Variants in FANK1 observed in about 807,000 individuals in gnomAD.
FANK1 encodes fibronectin type 3 and ankyrin repeat domains protein 1.
A neutral mutation model predicts 45.3 loss-of-function variants in FANK1; 44 were observed. The ratio of observed to expected loss-of-function variants is 0.97; its 90% CI spans 0.76 to 1.25. FANK1 has a LOEUF of 1.25. Among genes scored for constraint, FANK1 ranks in the 50% most tolerant of loss-of-function variants. FANK1 has a pLI of 0.00. For missense variants in FANK1, 391 were observed against 424.4 expected, an observed-to-expected ratio of 0.92 and a Z score of 0.69; for synonymous variants, 149 against 152.5, an observed-to-expected ratio of 0.98 and a Z score of 0.17.
intron 2 of FANK1, chr10:125,980,543 CTTCT>C (rs932708487): frequency 3.9e-6 from 2 of 506,686 alleles, no homozygotes; most frequent in African/African-American, 3.9e-5. Context: ...CCTTTGAGAG[CTTCT>C]TTGACTTCTG....
intron 1 of FANK1, among the ~76,000 whole-genome samples, chr10:125,954,284 G>C (rs1949436141): frequency 6.6e-6 from 1 of 152,272 alleles, no homozygotes; most frequent in African/African-American, 2.4e-5. Context: ...AGACAGGGAG[G>C]CATAAAGGAT....
intron 3 of FANK1, chr10:125,994,534 T>A (rs1341117352): frequency 2.1e-5 from 21 of 985,306 alleles, no homozygotes; most frequent in Non-Finnish European, 2.5e-5. Context: ...TGCTGTACTG[T>A]CACCCCCAAC....
chr10:126,008,405 A>G lies in FANK1; in HGVS notation c.706-2A>G. ...AACACAGCTGTTTCTCTGGCCCAACAGGTAGACGTCGTGGACACTGGTTCA... is the reference window on the plus strand; with the variant it reads ...AACACAGCTGTTTCTCTGGCCCAACGGGTAGACGTCGTGGACACTGGTTCA... On this transcript the variant is annotated splice_acceptor_variant, in intron 7 of 10. Transcript: ENST00000368693. LOFTEE classifies it high-confidence loss of function. 6.3e-7 allele frequency: 1 copy of G among 1,589,514 alleles called. No homozygotes were observed.
At chr10:125,928,753 G>A (rs955730205) in intron 1 of FANK1, among the ~76,000 whole-genome samples, 2 of 152,128 alleles carry the variant, frequency 1.3e-5, no homozygotes, top group Admixed American at 6.5e-5. Flanking sequence ...TCATTTAGTT[G>A]TTCTCTTTGG....
chr10:126,003,996 A>G (rs1952977811), intron 6 of FANK1, among the ~76,000 whole-genome samples: 2 of 152,014 alleles, frequency 1.3e-5, no homozygotes, highest in Admixed American at 6.6e-5. Flanking sequence ...CTTTTACCCA[A>G]TCATTTCAGT....
At chr10:126,004,840 T>G (rs765494367) in intron 6 of FANK1, 44 bp from the exon 7 acceptor site, 1 of 1,604,382 alleles carries the variant, frequency 6.2e-7, no homozygotes, top group South Asian at 1.1e-5. Context: ...CTGAGTTTGG[T>G]GACTGTGCTT....
intron 1 of FANK1, among the ~76,000 whole-genome samples, chr10:125,964,131 C>T (rs1259829693): frequency 6.6e-6 from 1 of 150,632 alleles, no homozygotes. Flanking sequence ...TCCTCTTCCT[C>T]TGTCTGTGAT....
chr10:125,943,225 G>C (rs1419453088), intron 1 of FANK1, among the ~76,000 whole-genome samples: 1 of 152,014 alleles, frequency 6.6e-6, no homozygotes, highest in East Asian at 1.9e-4. Flanking sequence ...CTCTTCATAT[G>C]TCTAAATCAG....
intron 1 of FANK1, among the ~76,000 whole-genome samples, chr10:125,937,565 A>C (rs1284210023): frequency 1.3e-5 from 2 of 152,200 alleles, no homozygotes; most frequent in Non-Finnish European, 2.9e-5. Context: ...AAGGAGTCTG[A>C]TGGAATAAAC....
chr10:125,997,153 AT>A (rs1284097505), intron 5 of FANK1, among the ~76,000 whole-genome samples: 6 of 152,192 alleles, frequency 3.9e-5, no homozygotes, highest in African/African-American at 1.4e-4. Context: ...ACAGCGAATT[AT>A]TTTGGTAGCC....
At chr10:125,898,383 A>G (rs1380051688) in intron 1 of FANK1, among the ~76,000 whole-genome samples, 3 of 152,004 alleles carry the variant, frequency 2.0e-5, no homozygotes, top group Non-Finnish European at 4.4e-5. Flanking sequence ...CAGGAAAACT[A>G]AGCAGAGGCT....
chr10:125,944,817 A>G (rs1023231760), intron 1 of FANK1, among the ~76,000 whole-genome samples: 1 of 152,222 alleles, frequency 6.6e-6, no homozygotes, highest in African/African-American at 2.4e-5. Context: ...TAACATCTAT[A>G]GAAACAATGC....
intron 1 of FANK1, among the ~76,000 whole-genome samples, chr10:125,921,384 C>G (rs567688820): frequency 0.021 from 3,259 of 152,050 alleles, 39 homozygotes; most frequent in South Asian, 0.032. Context: ...AAATAGTAAT[C>G]CATTGTATAA....
chr10:125,995,636 T>A, intron 4 of FANK1, 138 bp downstream of exon 4: 1 of 707,906 alleles, frequency 1.4e-6, no homozygotes, highest in Non-Finnish European at 2.5e-6. Context: ...AGGTGACTGG[T>A]GTGAGTTAAT....
At chr10:125,907,995 C>CT (rs56856062) in intron 1 of FANK1, among the ~76,000 whole-genome samples, 50,197 of 133,938 alleles carry the variant, frequency 0.37, 9,817 homozygotes, top group Non-Finnish European at 0.44. Flanking sequence ...TTTTTTCTCC[C>CT]TTTTTTTTTT....
intron 1 of FANK1, among the ~76,000 whole-genome samples, chr10:125,907,123 G>A (rs560985432): frequency 4.6e-5 from 7 of 152,182 alleles, no homozygotes; most frequent in Non-Finnish European, 8.8e-5. Context: ...CTTATAGAAT[G>A]TTTTTATCAT....
At chr10:125,949,111 A>G (rs537541218) in intron 1 of FANK1, among the ~76,000 whole-genome samples, 1 of 152,140 alleles carries the variant, frequency 6.6e-6, no homozygotes, top group Admixed American at 6.5e-5. Context: ...TATTGATGGG[A>G]TGTATTTCAA....
chr10:126,003,966 G>A (rs1952976368), intron 6 of FANK1, among the ~76,000 whole-genome samples: 1 of 152,024 alleles, frequency 6.6e-6, no homozygotes, highest in Admixed American at 6.6e-5. Context: ...GTGAACCTCT[G>A]TGCCTGGCCT....
chr10:125,986,726 C>T (rs2134208378), intron 2 of FANK1, among the ~76,000 whole-genome samples: 1 of 152,334 alleles, frequency 6.6e-6, no homozygotes, highest in East Asian at 1.9e-4. Flanking sequence ...AACCAGAGGA[C>T]ACTGTCCTGG....
Sources: allele counts gnomAD v4.1 joint callset (sites outside exome capture counted in the v4.1 genomes callset), GRCh38; gene constraint gnomAD v4.1.1; transcripts MANE v1.5; gene names NCBI Gene and HGNC (gene_info 2026-07-23, HGNC 2026-07-21).